The following KIAA0513 variants were observed in gnomAD, a reference collection of about 807,000 sequenced individuals.
The protein encoded by KIAA0513 is uncharacterized protein KIAA0513.
A neutral mutation model predicts 56.5 loss-of-function variants in KIAA0513; 39 were observed. That is an observed-to-expected ratio of 0.69 (90% CI 0.53 to 0.90). The LOEUF is 0.90. Among genes scored for constraint, KIAA0513 ranks in the 40% least tolerant of loss-of-function variants. The probability of loss-of-function intolerance (pLI) is 0.00; values close to 1 mark genes in which losing one functional copy is unlikely to be tolerated. For synonymous variants in KIAA0513, 268 were observed against 215.6 expected, an observed-to-expected ratio of 1.24 and a Z score of -2.13; for missense variants, 591 against 535.2, an observed-to-expected ratio of 1.10 and a Z score of -1.03.
Position 85,040,130 on chromosome 16 carries a change from G to T in KIAA0513, c.-173+12272G>T, listed in dbSNP as rs558117484. Reference sequence around the variant, plus strand: ...ATTACAGGCATGAGCCACCGTGCCCGGCCAGAGAAGGGTTTTCAACAGGAA... The same window carrying T: ...ATTACAGGCATGAGCCACCGTGCCCTGCCAGAGAAGGGTTTTCAACAGGAA... On this transcript the variant is annotated intron_variant, in intron 1 of 12. Coordinates refer to ENST00000683363, the MANE Select transcript of KIAA0513 (RefSeq NM_001388359.1). 9.3e-4 allele frequency among the ~76,000 whole-genome samples: 141 copies of T among 152,262 alleles called. 1 individual carries two copies. Among genetic ancestry groups the T allele is most frequent in the Non-Finnish European group, 1.7e-3 (113 of 68,008 alleles).
intron 1 of KIAA0513, among the ~76,000 whole-genome samples, chr16:85,050,373 G>A (rs960733627): frequency 1.5e-4 from 22 of 145,752 alleles, no homozygotes; most frequent in African/African-American, 5.2e-4. Context: ...TTTTTGAGAC[G>A]GACTCTTGTT....
chr16:85,055,920 C>T (rs1275017564), intron 1 of KIAA0513, among the ~76,000 whole-genome samples: 1 of 152,350 alleles, frequency 6.6e-6, no homozygotes, highest in African/African-American at 2.4e-5. Context: ...TAAGCTGGTG[C>T]TTGGGTGGTG....
At position 85,081,934 on chromosome 16, in the gene KIAA0513, CA is replaced by C. The variant is rs1273119198; in HGVS notation, c.980+544del. Among the ~76,000 whole-genome samples the C allele has an allele frequency of 2.6e-5, 4 of 152,228 alleles. No individual in the cohort carries two copies. The highest frequency in any genetic ancestry group is 1.5e-5 in the Non-Finnish European group (1 of 68,036). On this transcript the variant is annotated intron_variant, in intron 9 of 12. Transcript: ENST00000683363. This position sits in a 1 kb window ranked among gnomAD's most constrained non-coding sequence, Gnocchi z 4.4. ...CACCCCACGGGGGCCGATGCCATAG[CA>C]AGCAAAGCTGCCGTCCACCATGTGC...
chr16:85,030,134 C>T (rs972022314), intron 1 of KIAA0513, among the ~76,000 whole-genome samples: 1 of 152,200 alleles, frequency 6.6e-6, no homozygotes, highest in African/African-American at 2.4e-5. Flanking sequence ...CACCCCTGCG[C>T]CCGCCCCAAG....
chr16:85,068,820 C>T (rs531783365), intron 2 of KIAA0513, among the ~76,000 whole-genome samples: 16 of 152,264 alleles, frequency 1.1e-4, no homozygotes, highest in Admixed American at 3.3e-4. Context: ...CTTTTCCCTC[C>T]GCCAACGCTT....
rs2073867724 is a variant in KIAA0513 at position 85,091,570 on chromosome 16, C to G, written c.*3245C>G. The G allele has an allele frequency of 6.6e-6, 1 of 152,306 alleles. No homozygotes were observed. The highest frequency in any genetic ancestry group is 1.9e-4 in the East Asian group (1 of 5,182). The allele number at this position is 152,306 out of a possible 1,614,324, so 9.4% of individuals were successfully genotyped here. A position where few individuals can be genotyped will look rare whatever the true frequency, so the allele number is the denominator to read the frequency against. Reference sequence around the variant, plus strand: ...TGTTCAGGTTAATCCAAGCAACACGCATTGGGTTTAAAACCAGCACCGAGG... The same window carrying G: ...TGTTCAGGTTAATCCAAGCAACACGGATTGGGTTTAAAACCAGCACCGAGG... On this transcript the variant is annotated 3_prime_UTR_variant, in exon 13 of 13. Coordinates refer to ENST00000683363, the MANE Select transcript of KIAA0513 (RefSeq NM_001388359.1).
intron 1 of KIAA0513, among the ~76,000 whole-genome samples, chr16:85,042,799 G>A (rs546025710): frequency 1.4e-3 from 206 of 152,294 alleles, no homozygotes; most frequent in Non-Finnish European, 2.0e-3. Context: ...GGCAGCAGTC[G>A]GCTTGGCCTT....
At position 85,081,643 on chromosome 16, in the gene KIAA0513, G is replaced by A. The variant is rs1210895600; in HGVS notation, c.980+251G>A. 6.6e-6 allele frequency among the ~76,000 whole-genome samples: 1 copy of A among 152,152 alleles called. No individual in the cohort carries two copies. On this transcript the variant is annotated intron_variant, in intron 9 of 12. Transcript: ENST00000683363. This position sits in a 1 kb window ranked among gnomAD's most constrained non-coding sequence, Gnocchi z 4.4. ...GACTTGGCCTGACCCTCCTAAAAAT[G>A]CAAACTCCCACTAAGACCATCAGGA...
rs960574410 is a variant in KIAA0513 at position 85,081,976 on chromosome 16, AG to A, written c.981-585del. On this transcript the variant is annotated intron_variant, in intron 9 of 12. Transcript: ENST00000683363. This position sits in a 1 kb window ranked among gnomAD's most constrained non-coding sequence, Gnocchi z 4.4. ...CACCATGTGCAGCGACATGACAGCGAGGGACGGCAGCCCCTGGGGGAGCCCC... is the reference window on the plus strand; with the variant it reads ...CACCATGTGCAGCGACATGACAGCGAGGACGGCAGCCCCTGGGGGAGCCCC... 5.0e-4 allele frequency among the ~76,000 whole-genome samples: 76 copies of A among 152,224 alleles called. No homozygotes were observed. The highest frequency in any genetic ancestry group is 1.8e-3 in the African/African-American group (73 of 41,460).
chr16:85,086,000 C>T (rs1338066197), intron 10 of KIAA0513, among the ~76,000 whole-genome samples: 1 of 152,148 alleles, frequency 6.6e-6, no homozygotes, highest in Non-Finnish European at 1.5e-5. Flanking sequence ...AGGGAGGGGA[C>T]TAGAGAGAGC....
At chr16:85,040,687 C>A (rs2073093683) in intron 1 of KIAA0513, among the ~76,000 whole-genome samples, 1 of 152,178 alleles carries the variant, frequency 6.6e-6, no homozygotes, top group Non-Finnish European at 1.5e-5. Flanking sequence ...TCAGGTTAAA[C>A]CCTCCCCAAG....
At chr16:85,083,544 G>A (rs2073773388) in intron 10 of KIAA0513, among the ~76,000 whole-genome samples, 1 of 152,182 alleles carries the variant, frequency 6.6e-6, no homozygotes, top group East Asian at 1.9e-4. Context: ...GAACGAGTCA[G>A]CCCCACAGCC....
intron 2 of KIAA0513, 130 bp downstream of exon 2, chr16:85,067,530 G>A: frequency 1.4e-6 from 1 of 731,602 alleles, no homozygotes; most frequent in Admixed American, 2.9e-5. Flanking sequence ...CCATCAGCCA[G>A]GGGTGGCGAC....
rs886186154 is a variant in KIAA0513, at chr16:85,089,085, C to A, written c.*760C>A. The A allele has an allele frequency of 6.6e-6, 1 of 152,266 alleles. No homozygotes were observed. The highest frequency in any genetic ancestry group is 1.9e-4 in the East Asian group (1 of 5,200). The allele number at this position is 152,266 out of a possible 1,614,324, so 9.4% of individuals were successfully genotyped here. ...CAGACCACACAGACCGTCTGAAATGCGCCCGCCTGGCGGACAGCTCCCTTC... is the reference window on the plus strand; with the variant it reads ...CAGACCACACAGACCGTCTGAAATGAGCCCGCCTGGCGGACAGCTCCCTTC... On this transcript the variant is annotated 3_prime_UTR_variant, in exon 13 of 13. Coordinates refer to ENST00000683363, the MANE Select transcript of KIAA0513 (RefSeq NM_001388359.1). This position sits in a 1 kb window ranked among gnomAD's most constrained non-coding sequence, Gnocchi z 4.2.
At chr16:85,030,074 A>C (rs557340853) in intron 1 of KIAA0513, among the ~76,000 whole-genome samples, 83 of 152,288 alleles carry the variant, frequency 5.5e-4, no homozygotes, top group Non-Finnish European at 9.7e-4. Flanking sequence ...AGAGGCTTGC[A>C]AAACATCCTT....
At chr16:85,031,992 G>T (rs1038096422) in intron 1 of KIAA0513, among the ~76,000 whole-genome samples, 1 of 152,078 alleles carries the variant, frequency 6.6e-6, no homozygotes, top group African/African-American at 2.4e-5. Flanking sequence ...ATTTCTCTCG[G>T]GAGTGCTCTC....
intron 1 of KIAA0513, among the ~76,000 whole-genome samples, chr16:85,035,944 A>G (rs781471069): frequency 1.5e-4 from 22 of 146,838 alleles, no homozygotes; most frequent in Admixed American, 2.9e-4. Flanking sequence ...GTGCCACTGC[A>G]CTCCAGCCTG....
intron 7 of KIAA0513, 74 bp downstream of exon 7, chr16:85,078,529 C>A: frequency 6.9e-7 from 1 of 1,438,878 alleles, no homozygotes; most frequent in Non-Finnish European, 9.6e-7. Context: ...AGGTGCACGG[C>A]CTCTGGGGCT....
intron 1 of KIAA0513, among the ~76,000 whole-genome samples, chr16:85,064,931 C>T (rs536384792): frequency 3.3e-5 from 5 of 152,034 alleles, no homozygotes; most frequent in African/African-American, 1.2e-4. Context: ...GTGATCCACC[C>T]GCGTCAGCCT....
Sources: gnomAD v4.1 joint callset for allele counts (sites outside exome capture counted in the v4.1 genomes callset) on GRCh38, gnomAD v4.1.1 for gene constraint, Gnocchi (gnomAD v3.1) non-coding constraint, MANE v1.5 for transcripts, NCBI Gene and HGNC (gene_info 2026-07-23, HGNC 2026-07-21) for gene names.